Variants in BTBD10 observed in about 807,000 individuals in gnomAD.
BTBD10 encodes the protein BTB/POZ domain-containing protein 10.
Under a neutral mutation model 53.2 loss-of-function variants are expected in BTBD10, and 21 were observed. The ratio of observed to expected loss-of-function variants is 0.39; its 90% confidence interval spans 0.28 to 0.57. BTBD10 has a LOEUF of 0.57. Ranked by LOEUF, BTBD10 falls within the 20% of genes least tolerant of loss-of-function variation. BTBD10 has a pLI of 0.53. For missense variants in BTBD10, 360 were observed against 594.7 expected, an observed-to-expected ratio of 0.61 and a Z score of 4.10; for synonymous variants, 149 against 192.7, an observed-to-expected ratio of 0.77 and a Z score of 1.88.
intron 1 of BTBD10, among the ~76,000 whole-genome samples, chr11:13,461,046 T>G (rs1052291355): frequency 2.0e-5 from 3 of 152,202 alleles, no homozygotes; most frequent in African/African-American, 4.8e-5. Flanking sequence ...CTACTATAAC[T>G]ATACTTAAAG....
chr11:13,411,229 T>C (rs1949936956), intron 6 of BTBD10, among the ~76,000 whole-genome samples: 1 of 152,184 alleles, frequency 6.6e-6, no homozygotes, highest in Admixed American at 6.5e-5. Flanking sequence ...AAGTCCAAAC[T>C]AGTTTAATGC....
chr11:13,457,624 A>G (rs771526192), intron 1 of BTBD10, among the ~76,000 whole-genome samples: 1 of 152,230 alleles, frequency 6.6e-6, no homozygotes, highest in African/African-American at 2.4e-5. Context: ...TAAAAAAGAC[A>G]TTAATCAAAA....
intron 6 of BTBD10, among the ~76,000 whole-genome samples, chr11:13,412,804 T>C (rs1949992118): frequency 6.6e-6 from 1 of 152,170 alleles, no homozygotes; most frequent in African/African-American, 2.4e-5. Flanking sequence ...CACTTAAGTG[T>C]TGGCTTAAGT....
In BTBD10 at chr11:13,405,795, T is replaced by C; in HGVS notation, c.870A>G (p.Glu290=). The change falls in exon 7 of 9, where the codon GAA becomes GAG. Residue 290 remains glutamate, a synonymous_variant. Transcript: ENST00000278174. ...GARRQFEFYL[E]EMILPLMVAS... ...CTACCATGAGAGGGAGGATCATTTC[T>C]TCCAGATAAAATTCAAATTGTCTAC... 1 of 1,613,792 alleles carries C rather than the reference T, an allele frequency of 6.2e-7. No homozygotes were observed. The highest frequency in any genetic ancestry group is 8.5e-7 in the Non-Finnish European group (1 of 1,179,732).
intron 1 of BTBD10, chr11:13,462,752 T>C (rs765881145): frequency 1.3e-5 from 2 of 152,332 alleles, no homozygotes; most frequent in African/African-American, 2.4e-5. Context: ...GTCGCTGCGT[T>C]CGTCTGAGAT....
At chr11:13,412,826 C>A (rs1421859878) in intron 6 of BTBD10, among the ~76,000 whole-genome samples, 1 of 152,208 alleles carries the variant, frequency 6.6e-6, no homozygotes, top group African/African-American at 2.4e-5. Context: ...CCTAAGTCAA[C>A]ATTTGATACT....
At chr11:13,435,001 T>C (rs564879206) in intron 2 of BTBD10, among the ~76,000 whole-genome samples, 1 of 152,352 alleles carries the variant, frequency 6.6e-6, no homozygotes, top group South Asian at 2.1e-4. Flanking sequence ...AATGTAGGTA[T>C]ATCTTAGACA....
intron 2 of BTBD10, among the ~76,000 whole-genome samples, chr11:13,444,153 T>C (rs1037435179): frequency 6.6e-6 from 1 of 152,048 alleles, no homozygotes. Flanking sequence ...TCAAATTTTC[T>C]AGCTATAGTA....
At chr11:13,400,523 G>C (rs572264464) in intron 8 of BTBD10, among the ~76,000 whole-genome samples, 2 of 152,174 alleles carry the variant, frequency 1.3e-5, no homozygotes, top group African/African-American at 4.8e-5. Flanking sequence ...GCCCTGCTTC[G>C]GCTCACGCAC....
chr11:13,413,662 A>G lies in BTBD10; in HGVS notation c.688-12T>C. 13 of 1,602,556 alleles carry G rather than the reference A, an allele frequency of 8.1e-6. No homozygotes were observed. Among genetic ancestry groups the G allele is most frequent in the Non-Finnish European group, 1.1e-5 (13 of 1,175,684 alleles). On this transcript the variant is annotated splice_polypyrimidine_tract_variant and intron_variant, in intron 5 of 8. Transcript: ENST00000278174. Reference sequence around the variant, plus strand: ...GTTTTATAGTAATCCTGGAAAAAGAAAAGTAAAGAAAGCATAAAATATCTG... The same window carrying G: ...GTTTTATAGTAATCCTGGAAAAAGAGAAGTAAAGAAAGCATAAAATATCTG...
intron 1 of BTBD10, among the ~76,000 whole-genome samples, chr11:13,453,318 TAC>T (rs140237639): frequency 6.6e-5 from 10 of 151,898 alleles, no homozygotes; most frequent in Admixed American, 2.6e-4. Context: ...TAAATACACA[TAC>T]ACACACACAC....
chr11:13,450,142 C>T (rs1236430094), intron 1 of BTBD10, among the ~76,000 whole-genome samples: 1 of 152,054 alleles, frequency 6.6e-6, no homozygotes, highest in Admixed American at 6.6e-5. Flanking sequence ...ACATAGTGAT[C>T]CCAGAATCAG....
chr11:13,445,176 C>T lies in BTBD10; in HGVS notation c.-52G>A, dbSNP rs1408324434. On this transcript the variant is annotated 5_prime_UTR_variant, in exon 2 of 9. The change abolishes an upstream ATG in the 5' untranslated region. Coordinates refer to ENST00000278174, the MANE Select transcript of BTBD10 (RefSeq NM_032320.7). ...GCTCTGAAAGCACACATGTAGCACC[C>T]ATAACCTACATAAAAGAGCAGTGTT... 1 of 1,267,976 alleles carries T rather than the reference C, an allele frequency of 7.9e-7. No homozygotes were observed. The highest frequency in any genetic ancestry group is 1.5e-5 in the African/African-American group (1 of 67,852). The allele number at this position is 1,267,976 out of a possible 1,614,324, so 78.5% of individuals were successfully genotyped here.
chr11:13,393,445 T>C (rs1414919641), intron 8 of BTBD10, among the ~76,000 whole-genome samples: 1 of 152,192 alleles, frequency 6.6e-6, no homozygotes, highest in African/African-American at 2.4e-5. Flanking sequence ...TGGGGGAGGA[T>C]AGTAACAAAA....
At chr11:13,462,817 T>A (rs1347781911) in intron 1 of BTBD10, 1 of 152,106 alleles carries the variant, frequency 6.6e-6, no homozygotes, top group African/African-American at 2.4e-5. Context: ...GATGAGGGTA[T>A]CGCCTTCATC....
intron 8 of BTBD10, among the ~76,000 whole-genome samples, chr11:13,402,567 T>C (rs563013052): frequency 6.6e-6 from 1 of 152,154 alleles, no homozygotes; most frequent in Non-Finnish European, 1.5e-5. Flanking sequence ...TTAAGACACT[T>C]TGTTCCTCTT....
chr11:13,434,598 T>G (rs1362861440), intron 2 of BTBD10, among the ~76,000 whole-genome samples: 1 of 152,246 alleles, frequency 6.6e-6, no homozygotes, highest in African/African-American at 2.4e-5. Flanking sequence ...TAAAGGGTTT[T>G]GGCTTTTGTT....
chr11:13,391,699 C>T (rs1341815403), intron 8 of BTBD10, among the ~76,000 whole-genome samples: 1 of 152,132 alleles, frequency 6.6e-6, no homozygotes, highest in Non-Finnish European at 1.5e-5. Flanking sequence ...TAAAATCAGC[C>T]CTTTGGGAGG....
intron 1 of BTBD10, chr11:13,462,559 G>GC (rs1951122617): frequency 6.6e-6 from 1 of 152,204 alleles, no homozygotes; most frequent in African/African-American, 2.4e-5. Flanking sequence ...CAGGGCACCT[G>GC]CATCTGAAGA....
Sources: allele counts gnomAD v4.1 joint callset (sites outside exome capture counted in the v4.1 genomes callset), GRCh38; gene constraint gnomAD v4.1.1; transcripts MANE v1.5; gene names NCBI Gene and HGNC (gene_info 2026-07-23, HGNC 2026-07-21).